The following DIAPH1 variants were observed in gnomAD, a reference collection of about 807,000 sequenced individuals.
DIAPH1 encodes diaphanous related formin 1, also known as protein diaphanous homolog 1.
DIAPH1 carries 46 observed loss-of-function variants against 140.7 expected under a neutral mutation model. That is an observed-to-expected ratio of 0.33 (90% confidence interval 0.26 to 0.42). The LOEUF is 0.42. DIAPH1 is among the 10% of genes least tolerant of loss of function. The pLI is 1.00. For missense variants in DIAPH1, 1,310 were observed against 1,558.7 expected (o/e 0.84, Z 2.69); for synonymous variants, 565 against 551.6 (o/e 1.02, Z -0.34).
chr5:141,574,323 TGAGAG>T, intron 15 of DIAPH1, 115 bp from the exon 16 acceptor site: 1 of 1,058,006 alleles, frequency 9.5e-7, no homozygotes, highest in African/African-American at 1.6e-5. Context: ...ATGGAGGAAC[TGAGAG>T]GAGTCAGAGA....
intron 26 of DIAPH1, among the ~76,000 whole-genome samples, chr5:141,525,022 A>G (rs11742160): frequency 0.017 from 2,599 of 152,034 alleles, 29 homozygotes; most frequent in Non-Finnish European, 0.028. Flanking sequence ...CTCATCCCAC[A>G]TGTCAGCGGG....
intron 18 of DIAPH1, among the ~76,000 whole-genome samples, chr5:141,556,724 C>A (rs1340240254): frequency 1.3e-5 from 2 of 152,124 alleles, no homozygotes; most frequent in African/African-American, 2.4e-5. Flanking sequence ...TGGAGTCTCA[C>A]TCTGTCACCC....
intron 1 of DIAPH1, among the ~76,000 whole-genome samples, chr5:141,592,768 A>G (rs1242858689): frequency 1.3e-5 from 2 of 152,178 alleles, no homozygotes; most frequent in Admixed American, 1.3e-4. Context: ...ACTAAACATT[A>G]GCACTTATAC....
At chr5:141,555,856 C>T (rs1283299247) in intron 18 of DIAPH1, among the ~76,000 whole-genome samples, 9 of 152,194 alleles carry the variant, frequency 5.9e-5, no homozygotes, top group Admixed American at 5.9e-4. Context: ...TCAGCAGATT[C>T]TAAACCTTTT....
rs2099896653 is a variant in DIAPH1 at position 141,580,857 on chromosome 5, T to C, written c.711A>G (p.Thr237=). ...TGACCAGCAGTAGGATTCCTTCTTC[T>C]GTCTCCAACATGGTCTTGATTCCAA... ...NKFGIKTMLE[T]EEGILLLVRA... Residue 237 remains threonine, a synonymous_variant, in exon 8 of 28, where the codon ACA becomes ACG. Coordinates refer to ENST00000389054, the MANE Select transcript of DIAPH1 (RefSeq NM_005219.5). 6.2e-7 allele frequency: 1 copy of C among 1,614,236 alleles called. No individual in the cohort carries two copies. The highest frequency in any genetic ancestry group is 8.5e-7 in the Non-Finnish European group (1 of 1,180,036).
At chr5:141,531,560 T>C (rs2099888239) in intron 19 of DIAPH1, among the ~76,000 whole-genome samples, 1 of 152,184 alleles carries the variant, frequency 6.6e-6, no homozygotes, top group African/African-American at 2.4e-5. Context: ...TGGTGTTGGC[T>C]CACTGCAACC....
chr5:141,574,206 A>T lies in DIAPH1; in HGVS notation c.1644T>A (p.Val548=), dbSNP rs1215245978. The T allele has an allele frequency of 1.9e-6, 3 of 1,613,966 alleles. No individual in the cohort carries two copies. In the African/African-American group the frequency reaches 4.0e-5, roughly 22 times the overall value. The change falls in exon 16 of 28, where the codon GTT becomes GTA. Residue 548 remains valine (V), a splice_region_variant and synonymous_variant. Coordinates refer to ENST00000389054, the MANE Select transcript of DIAPH1 (RefSeq NM_005219.5). The part of the protein sequence containing the change: ...EAEVSQLTGE[V]AKLTKELEDA... ...CTTCCAGTTCCTTTGTCAGCTTGGC[A>T]ACCTACAGAAATAACATCAATGTGA...
intron 18 of DIAPH1, among the ~76,000 whole-genome samples, chr5:141,562,837 C>T (rs376210624): frequency 2.6e-5 from 4 of 152,150 alleles, no homozygotes; most frequent in Non-Finnish European, 4.4e-5. Flanking sequence ...TTCCTTAAGG[C>T]AACAGTTTTG....
intron 1 of DIAPH1, among the ~76,000 whole-genome samples, chr5:141,601,917 G>A (rs984229554): frequency 1.2e-4 from 18 of 152,122 alleles, no homozygotes; most frequent in African/African-American, 4.1e-4. Flanking sequence ...ACCTTGACTG[G>A]AGCCCACAGG....
intron 1 of DIAPH1, 30 bp downstream of exon 1, chr5:141,618,768 A>C: frequency 6.7e-7 from 1 of 1,490,618 alleles, no homozygotes; most frequent in Non-Finnish European, 9.1e-7. Context: ...TTACGGGGCC[A>C]GGCAGGAGCG....
At chr5:141,601,275 A>AG (rs1012329976) in intron 1 of DIAPH1, among the ~76,000 whole-genome samples, 15 of 150,636 alleles carry the variant, frequency 1.0e-4, no homozygotes, top group African/African-American at 2.9e-4. Flanking sequence ...TCTTAGACAC[A>AG]GAAAAAAAAA....
intron 16 of DIAPH1, among the ~76,000 whole-genome samples, chr5:141,572,544 G>A (rs1037447969): frequency 2.6e-5 from 4 of 152,220 alleles, no homozygotes; most frequent in African/African-American, 9.6e-5. Context: ...GCTCACGTCT[G>A]TAATCCCAGC....
intron 1 of DIAPH1, among the ~76,000 whole-genome samples, chr5:141,612,008 G>A (rs539787708): frequency 1.6e-4 from 24 of 152,204 alleles, no homozygotes; most frequent in Admixed American, 1.5e-3. Flanking sequence ...CAGAGGCTCC[G>A]GTAAGCCGAG....
chr5:141,539,842 T>A (rs1441362494), intron 18 of DIAPH1, among the ~76,000 whole-genome samples: 1 of 152,108 alleles, frequency 6.6e-6, no homozygotes, highest in Non-Finnish European at 1.5e-5. Context: ...TAAAGTTTTA[T>A]GAATTTTGTT....
At chr5:141,542,416 G>T (rs2099890129) in intron 18 of DIAPH1, among the ~76,000 whole-genome samples, 1 of 150,986 alleles carries the variant, frequency 6.6e-6, no homozygotes, top group Non-Finnish European at 1.5e-5. Flanking sequence ...CTGGGCAACA[G>T]AGTGGGACTC....
chr5:141,564,217 G>A (rs1562313025), intron 18 of DIAPH1: 1 of 152,212 alleles, frequency 6.6e-6, no homozygotes, highest in Non-Finnish European at 1.5e-5. Context: ...AAAAGGGCAA[G>A]CTGTAGCTTT....
At chr5:141,535,108 C>A (rs1256489444) in intron 18 of DIAPH1, among the ~76,000 whole-genome samples, 3 of 152,126 alleles carry the variant, frequency 2.0e-5, no homozygotes, top group Non-Finnish European at 4.4e-5. Context: ...GGCCACCACG[C>A]CCGGCTAATT....
rs1234336349 is a variant in DIAPH1, at chr5:141,551,863, C to T, written c.2483-17430G>A. Among the ~76,000 whole-genome samples the T allele has an allele frequency of 4.6e-5, 7 of 152,136 alleles. No homozygotes were observed. The South Asian group carries it at 1.2e-3, about 27-fold the overall frequency. On this transcript the variant is annotated intron_variant, in intron 18 of 27. Coordinates refer to ENST00000389054, the MANE Select transcript of DIAPH1 (RefSeq NM_005219.5). The stretch of plus-strand genomic sequence containing the variant: ...AGACCATATACGTGTTCTTTCAGTG[C>T]ACACAGAACATTTATAATATTTGGC...
intron 18 of DIAPH1, among the ~76,000 whole-genome samples, chr5:141,570,517 G>C (rs895174079): frequency 6.6e-6 from 1 of 152,066 alleles, no homozygotes; most frequent in Non-Finnish European, 1.5e-5. Context: ...ACACACATAT[G>C]TAACTAGGGG....
Sources: gnomAD v4.1 joint callset for allele counts (sites outside exome capture counted in the v4.1 genomes callset) on GRCh38, gnomAD v4.1.1 for gene constraint, MANE v1.5 for transcripts, NCBI Gene and HGNC (gene_info 2026-07-23, HGNC 2026-07-21) for gene names.